Variants in TGFB2 observed in about 807,000 individuals in gnomAD.
The protein encoded by TGFB2 is transforming growth factor beta 2.
A neutral mutation model predicts 42.7 loss-of-function variants in TGFB2; 13 were observed. The ratio of observed to expected loss-of-function variants is 0.30; its 90% confidence interval spans 0.20 to 0.48. The LOEUF (loss-of-function observed/expected upper bound fraction) is 0.48, where lower values mean the gene tolerates loss of function less well. TGFB2 is among the 20% of genes least tolerant of loss of function. The pLI is 0.99. For synonymous variants in TGFB2, 193 were observed against 193.6 expected (o/e 1.00, Z 0.03); for missense variants, 390 against 517.5 (o/e 0.75, Z 2.39).
chr1:218,425,901 ACTCGTGCT>A, intron 2 of TGFB2, among the ~76,000 whole-genome samples: 1 of 152,228 alleles, frequency 6.6e-6, no homozygotes, highest in Admixed American at 6.5e-5. Flanking sequence ...GATCTGAGAG[ACTCGTGCT>A]CACAGCCAGC....
chr1:218,443,486 C>G lies in TGFB2; in HGVS notation c.*2124C>G. 6.6e-6 allele frequency: 1 copy of G among 152,088 alleles called. No individual in the cohort carries two copies. The highest frequency in any genetic ancestry group is 1.9e-4 in the East Asian group (1 of 5,190). The allele number at this position is 152,088 out of a possible 1,614,324, so 9.4% of individuals were successfully genotyped here. A position where few individuals can be genotyped will look rare whatever the true frequency, so the allele number is the denominator to read the frequency against. On this transcript the variant is annotated 3_prime_UTR_variant, in exon 7 of 7. Transcript: ENST00000366930. Reference sequence around the variant, plus strand: ...ACTGGAAAAGCAAGAGATGGGATGCCATAATAGTAAACAGCCCTTGTGTTG... The same window carrying G: ...ACTGGAAAAGCAAGAGATGGGATGCGATAATAGTAAACAGCCCTTGTGTTG...
In TGFB2 at chr1:218,443,868, T is replaced by C. The variant is rs1056402603; in HGVS notation, c.*2506T>C. The C allele has an allele frequency of 6.6e-6, 1 of 152,136 alleles. No individual in the cohort carries two copies. The highest frequency in any genetic ancestry group is 1.5e-5 in the Non-Finnish European group (1 of 68,022). The allele number at this position is 152,136 out of a possible 1,614,324, so 9.4% of individuals were successfully genotyped here. A position where few individuals can be genotyped will look rare whatever the true frequency, so the allele number is the denominator to read the frequency against. On this transcript the variant is annotated 3_prime_UTR_variant, in exon 7 of 7. Transcript: ENST00000366930. ...GTTAATCAGCAGTACAATTTGATCG[T>C]TGGCATGGTTAAAAAATGGAATATA...
chr1:218,425,487 G>A (rs1235396579), intron 2 of TGFB2, among the ~76,000 whole-genome samples: 2 of 152,114 alleles, frequency 1.3e-5, no homozygotes, highest in Non-Finnish European at 2.9e-5. Flanking sequence ...GATTACAGAT[G>A]TGAGCCACCG....
At chr1:218,402,414 A>G (rs1240277115) in intron 1 of TGFB2, among the ~76,000 whole-genome samples, 1 of 152,232 alleles carries the variant, frequency 6.6e-6, no homozygotes, top group Non-Finnish European at 1.5e-5. Flanking sequence ...ACTCCCCTTC[A>G]AAGCTCAAAA....
intron 1 of TGFB2, among the ~76,000 whole-genome samples, chr1:218,347,407 T>C: frequency 6.6e-6 from 1 of 152,182 alleles, no homozygotes; most frequent in East Asian, 1.9e-4. Context: ...CTGAGGAATC[T>C]TGGTAGGTTT....
chr1:218,401,259 T>A (rs1239957813), intron 1 of TGFB2, among the ~76,000 whole-genome samples: 3 of 152,252 alleles, frequency 2.0e-5, no homozygotes, highest in Non-Finnish European at 4.4e-5. Flanking sequence ...AGTATGTGAT[T>A]AAGTGCTGTA....
chr1:218,423,368 A>G (rs1330107383), intron 2 of TGFB2, among the ~76,000 whole-genome samples: 1 of 152,134 alleles, frequency 6.6e-6, no homozygotes, highest in Admixed American at 6.6e-5. Flanking sequence ...TGAAGCCACT[A>G]TGCGCAAGGG....
chr1:218,427,846 C>T (rs1033740970), intron 2 of TGFB2, among the ~76,000 whole-genome samples: 12 of 152,130 alleles, frequency 7.9e-5, no homozygotes, highest in African/African-American at 2.9e-4. Flanking sequence ...TGGGTATATA[C>T]CCAGTAATGG....
chr1:218,420,791 C>T (rs1017921520), intron 2 of TGFB2, among the ~76,000 whole-genome samples: 19 of 152,200 alleles, frequency 1.2e-4, no homozygotes, highest in South Asian at 2.1e-4. Context: ...TACTGTAAAG[C>T]GAAAGAGTTC....
chr1:218,437,042 G>A (rs892945683), intron 5 of TGFB2, among the ~76,000 whole-genome samples: 4 of 152,192 alleles, frequency 2.6e-5, no homozygotes, highest in African/African-American at 4.8e-5. Context: ...GCCACTCTCT[G>A]CTTATATCTG....
At chr1:218,358,744 G>T (rs996341579) in intron 1 of TGFB2, among the ~76,000 whole-genome samples, 1 of 151,812 alleles carries the variant, frequency 6.6e-6, no homozygotes, top group Non-Finnish European at 1.5e-5. Flanking sequence ...GGGTTTCACC[G>T]TGTTAGCCAG....
In TGFB2 at chr1:218,382,849, C is replaced by T. The variant is rs183686008; in HGVS notation, c.347-22320C>T. Among the ~76,000 whole-genome samples the T allele has an allele frequency of 1.3e-4, 20 of 152,290 alleles. 1 individual carries two copies. The East Asian group carries it at 3.7e-3, about 28-fold the overall frequency. On this transcript the variant is annotated intron_variant, in intron 1 of 6. Transcript: ENST00000366930. ...AATCACTAAGATCACCTTCAAATGC[C>T]ACTTCTACTTCCCGTAGGAGTTCTA...
chr1:218,376,810 A>G (rs1035217679), intron 1 of TGFB2, among the ~76,000 whole-genome samples: 1 of 152,240 alleles, frequency 6.6e-6, no homozygotes, highest in Non-Finnish European at 1.5e-5. Flanking sequence ...TACCCTGCAC[A>G]AAGCAGAAAA....
chr1:218,409,592 A>T (rs926475273), intron 2 of TGFB2, among the ~76,000 whole-genome samples: 1 of 152,220 alleles, frequency 6.6e-6, no homozygotes, highest in African/African-American at 2.4e-5. Flanking sequence ...AGGCTAAATT[A>T]TAGTCAGGAA....
At chr1:218,379,126 C>CTTTTTTTTTTTTTTTTT (rs748882381) in intron 1 of TGFB2, among the ~76,000 whole-genome samples, 1 of 143,738 alleles carries the variant, frequency 7.0e-6, no homozygotes, top group Non-Finnish European at 1.5e-5. Context: ...TTCTTTCTTT[C>CTTTTTTTTTTTTTTTTT]TTTCTTTTTT....
chr1:218,369,413 T>C (rs939310064), intron 1 of TGFB2, among the ~76,000 whole-genome samples: 3 of 152,126 alleles, frequency 2.0e-5, no homozygotes, highest in Non-Finnish European at 4.4e-5. Flanking sequence ...ACCTGCCTTA[T>C]GCTGAGTTTT....
intron 1 of TGFB2, among the ~76,000 whole-genome samples, chr1:218,393,250 G>A (rs1658377055): frequency 6.6e-6 from 1 of 152,174 alleles, no homozygotes; most frequent in Admixed American, 6.5e-5. Context: ...GCAGGGATGA[G>A]CAAGAATGTC....
intron 1 of TGFB2, among the ~76,000 whole-genome samples, chr1:218,378,591 G>C (rs565486430): frequency 1.6e-4 from 25 of 152,204 alleles, no homozygotes; most frequent in African/African-American, 6.0e-4. Context: ...TGGGATTATA[G>C]ATGTGAGCCA....
chr1:218,350,529 T>C (rs1265047409), intron 1 of TGFB2, among the ~76,000 whole-genome samples: 1 of 152,226 alleles, frequency 6.6e-6, no homozygotes, highest in East Asian at 1.9e-4. Context: ...TGTTGGGGGT[T>C]ACTGAATTCT....
Sources: gnomAD v4.1 joint callset for allele counts (sites outside exome capture counted in the v4.1 genomes callset) on GRCh38, gnomAD v4.1.1 for gene constraint, MANE v1.5 for transcripts, NCBI Gene and HGNC (gene_info 2026-07-23, HGNC 2026-07-21) for gene names.